Variants in STAG1 observed in about 807,000 individuals in gnomAD.
STAG1 encodes the protein cohesin subunit SA-1.
In STAG1, 26 loss-of-function variants were observed where a neutral mutation model predicts 170.9. The ratio of observed to expected loss-of-function variants is 0.15; its 90% CI spans 0.11 to 0.21. The LOEUF is 0.21. Ranked by LOEUF, STAG1 falls within the 10% of genes least tolerant of loss-of-function variation. The pLI, the probability that STAG1 is intolerant of heterozygous loss-of-function variation, is 1.00. For missense variants in STAG1, 964 were observed against 1,509.5 expected (o/e 0.64, Z 5.99); for synonymous variants, 514 against 497.7 (o/e 1.03, Z -0.44).
At position 136,336,254 on chromosome 3, in the gene STAG1, TAAAGG is replaced by T. The variant is rs1273894510; in HGVS notation, c.*1995_*1999del. 6.6e-6 allele frequency: 1 copy of T among 152,058 alleles called. No individual in the cohort carries two copies. The highest frequency in any genetic ancestry group is 2.1e-4 in the South Asian group (1 of 4,834). 9.4% of individuals were successfully genotyped at this position (152,058 alleles called of 1,614,324 possible). A position where few individuals can be genotyped will look rare whatever the true frequency, so the allele number is the denominator to read the frequency against. On this transcript the variant is annotated 3_prime_UTR_variant, in exon 34 of 34. Coordinates refer to ENST00000383202, the MANE Select transcript of STAG1 (RefSeq NM_005862.3). ...ACAAGCCTGATTTTGAATAGTTTAT[TAAAGG>T]AAAGGTGAAGCATCAGTTTCAAATT...
chr3:136,402,757 G>C (rs1295098895), intron 21 of STAG1, among the ~76,000 whole-genome samples: 1 of 151,874 alleles, frequency 6.6e-6, no homozygotes, highest in Non-Finnish European at 1.5e-5. Context: ...AACCCAGGAG[G>C]AGAAGGTTGC....
chr3:136,549,658 G>GT (rs34179977), intron 5 of STAG1, among the ~76,000 whole-genome samples: 14,058 of 144,514 alleles, frequency 0.097, 707 homozygotes, highest in African/African-American at 0.13. Flanking sequence ...CACTTCTTCC[G>GT]TTTTTTTTTT....
intron 13 of STAG1, among the ~76,000 whole-genome samples, chr3:136,459,646 A>G (rs2089220122): frequency 6.6e-6 from 1 of 152,226 alleles, no homozygotes; most frequent in Admixed American, 6.5e-5. Flanking sequence ...ATTTTAAAAT[A>G]TTGAATGCAT....
chr3:136,427,001 A>G (rs985171669), intron 16 of STAG1, among the ~76,000 whole-genome samples: 1 of 151,618 alleles, frequency 6.6e-6, no homozygotes, highest in Non-Finnish European at 1.5e-5. Flanking sequence ...CGCAGCTTGC[A>G]GTGAGCCGAG....
chr3:136,373,139 G>C lies in STAG1; in HGVS notation c.2371-3857C>G, dbSNP rs1192431207. Among the ~76,000 whole-genome samples, 3 of 152,300 alleles carry C rather than the reference G, an allele frequency of 2.0e-5. No individual in the cohort carries two copies. In the East Asian group the frequency reaches 5.8e-4, roughly 29 times the overall value. The stretch of plus-strand genomic sequence containing the variant: ...AGATTTTCTAGTTTATTTGCATAGA[G>C]GTGTTTATAGTATTCTCTAATGGTA... On this transcript the variant is annotated intron_variant, in intron 23 of 33. Coordinates refer to ENST00000383202, the MANE Select transcript of STAG1 (RefSeq NM_005862.3).
At chr3:136,435,319 C>A (rs545331129) in intron 15 of STAG1, among the ~76,000 whole-genome samples, 3 of 152,314 alleles carry the variant, frequency 2.0e-5, no homozygotes, top group African/African-American at 7.2e-5. Context: ...CCTCACTTCA[C>A]AGACAGGGAG....
At chr3:136,352,371 G>T (rs1289152655) in intron 28 of STAG1, among the ~76,000 whole-genome samples, 2 of 152,024 alleles carry the variant, frequency 1.3e-5, no homozygotes, top group Non-Finnish European at 2.9e-5. Flanking sequence ...TGTTGCCCAG[G>T]CTGGTCTTGA....
At position 136,441,917 on chromosome 3, in the gene STAG1, G is replaced by A. The variant is rs570069943; in HGVS notation, c.1546+1370C>T. Among the ~76,000 whole-genome samples, 18 of 152,202 alleles carry A rather than the reference G, an allele frequency of 1.2e-4. No homozygotes were observed. In the South Asian group the frequency reaches 3.3e-3, roughly 28 times the overall value. ...TGAATTAATATTACTTTAGATTTTGGCCAGATGCGGTGGCTCACGCCTGTA... is the reference window on the plus strand; with the variant it reads ...TGAATTAATATTACTTTAGATTTTGACCAGATGCGGTGGCTCACGCCTGTA... On this transcript the variant is annotated intron_variant, in intron 15 of 33. Coordinates refer to ENST00000383202, the MANE Select transcript of STAG1 (RefSeq NM_005862.3).
chr3:136,528,501 C>CA (rs1553740697), intron 6 of STAG1, among the ~76,000 whole-genome samples: 15 of 141,268 alleles, frequency 1.1e-4, no homozygotes, highest in South Asian at 2.2e-4. Context: ...CGCACCCCCC[C>CA]CCCCAAAAAA....
At chr3:136,700,828 C>G (rs1308651229) in intron 1 of STAG1, among the ~76,000 whole-genome samples, 1 of 148,742 alleles carries the variant, frequency 6.7e-6, no homozygotes, top group African/African-American at 2.5e-5. Flanking sequence ...CACGGTCTCT[C>G]AAGAACAACT....
chr3:136,678,299 TAAATC>T (rs1277467345), intron 1 of STAG1, among the ~76,000 whole-genome samples: 2 of 149,828 alleles, frequency 1.3e-5, no homozygotes, highest in Non-Finnish European at 3.0e-5. Flanking sequence ...TCACAGAAAA[TAAATC>T]AATATAGTAT....
intron 1 of STAG1, among the ~76,000 whole-genome samples, chr3:136,703,531 A>G (rs553081663): frequency 3.3e-5 from 5 of 152,352 alleles, no homozygotes; most frequent in African/African-American, 1.2e-4. Flanking sequence ...CTCAGTAAAC[A>G]TAAAACACAG....
At chr3:136,675,783 ATATAT>A (rs1299957858) in intron 1 of STAG1, among the ~76,000 whole-genome samples, 1 of 152,032 alleles carries the variant, frequency 6.6e-6, no homozygotes, top group African/African-American at 2.4e-5. Flanking sequence ...ACATGAAATC[ATATAT>A]TATTATTAAC....
chr3:136,465,007 A>G lies in STAG1; in HGVS notation c.1206-19T>C, dbSNP rs2089411903. The G allele has an allele frequency of 6.4e-7, 1 of 1,564,910 alleles. No homozygotes were observed. The highest frequency in any genetic ancestry group is 8.7e-7 in the Non-Finnish European group (1 of 1,144,182). On this transcript the variant is annotated intron_variant, in intron 12 of 33. Transcript: ENST00000383202. ...ACTTCCACTGAAAAATACAGAAAGT[A>G]ACATCTGATCTAAAGCAAATGTTTA...
At position 136,343,943 on chromosome 3, in the gene STAG1, A is replaced by G; in HGVS notation, c.3335T>C (p.Leu1112Pro). The change falls in exon 30 of 34, where the codon CTG becomes CCG. Residue 1112 changes from leucine (L) to proline (P), a missense_variant. This residue lies in a region of STAG1 where 122 missense variants were observed against 129.0 expected (regional missense o/e 0.95). Coordinates refer to ENST00000383202, the MANE Select transcript of STAG1 (RefSeq NM_005862.3). ...TDTMIQTPGP[L>P]PAPQLTSTVL... ...AGTGGATGTGAGTTGTGGTGCTGGCAGGGGGCCAGGAGTCTGAATCATGGT... is the reference window on the plus strand; with the variant it reads ...AGTGGATGTGAGTTGTGGTGCTGGCGGGGGGCCAGGAGTCTGAATCATGGT... 3 of 1,612,404 alleles carry G rather than the reference A, an allele frequency of 1.9e-6. No individual in the cohort carries two copies. Among genetic ancestry groups the G allele is most frequent in the Non-Finnish European group, 1.7e-6 (2 of 1,179,292 alleles).
At chr3:136,529,399 A>ATT (rs1184541413) in intron 6 of STAG1, among the ~76,000 whole-genome samples, 1 of 152,164 alleles carries the variant, frequency 6.6e-6, no homozygotes, top group Non-Finnish European at 1.5e-5. Flanking sequence ...GTGTCTAGTC[A>ATT]TATATAAAGA....
At chr3:136,393,481 T>C (rs1378734568) in intron 22 of STAG1, among the ~76,000 whole-genome samples, 1 of 152,070 alleles carries the variant, frequency 6.6e-6, no homozygotes, top group African/African-American at 2.4e-5. Flanking sequence ...AGCTCCAGCC[T>C]GGGCAACACA....
intron 1 of STAG1, among the ~76,000 whole-genome samples, chr3:136,671,341 A>AT (rs1285653747): frequency 2.0e-5 from 3 of 151,952 alleles, no homozygotes; most frequent in African/African-American, 7.3e-5. Context: ...TATAGCTTGC[A>AT]TTTTTTTCTC....
intron 22 of STAG1, among the ~76,000 whole-genome samples, chr3:136,389,655 G>A (rs974209223): frequency 2.0e-5 from 3 of 152,136 alleles, no homozygotes; most frequent in Non-Finnish European, 4.4e-5. Context: ...GAGTAGCTGG[G>A]ATTACAGGCG....
Sources: allele counts gnomAD v4.1 joint callset (sites outside exome capture counted in the v4.1 genomes callset), GRCh38; gene constraint gnomAD v4.1.1; regional missense constraint gnomAD v4.1.1; transcripts MANE v1.5; gene names NCBI Gene and HGNC (gene_info 2026-07-23, HGNC 2026-07-21).